Variants in FRG1 observed in about 807,000 individuals in gnomAD.
The protein encoded by FRG1 is FSHD region gene 1.
In FRG1, 19 loss-of-function variants were observed where a neutral mutation model predicts 37.0. That is an observed-to-expected ratio of 0.51 (90% CI 0.36 to 0.75). The LOEUF is 0.75. Ranked by LOEUF, FRG1 falls within the 30% of genes least tolerant of loss-of-function variation. FRG1 has a pLI of 0.00. For missense variants in FRG1, 243 were observed against 301.4 expected (o/e 0.81, Z 1.44); for synonymous variants, 73 against 96.5 (o/e 0.76, Z 1.43).
intron 2 of FRG1, among the ~76,000 whole-genome samples, chr4:189,946,988 A>C (rs1268307682): frequency 2.0e-5 from 3 of 152,048 alleles, no homozygotes; most frequent in Admixed American, 6.6e-5. Context: ...GAGTAACTGG[A>C]ATTACAGGCA....
intron 2 of FRG1, 104 bp downstream of exon 2, chr4:189,943,376 C>G: frequency 7.9e-7 from 1 of 1,260,614 alleles, no homozygotes; most frequent in Non-Finnish European, 1.1e-6. Context: ...TCATATTTGT[C>G]TTAAAGTGCT....
At chr4:189,943,114 G>T (rs908394443) in intron 1 of FRG1, 88 bp from the exon 2 acceptor site, 2 of 1,378,854 alleles carry the variant, frequency 1.5e-6, no homozygotes, top group African/African-American at 2.9e-5. Context: ...AAATGAAACA[G>T]CTTAAAAGAC....
In FRG1 at chr4:189,940,896, C is replaced by T; in HGVS notation, c.-114C>T. On this transcript the variant is annotated 5_prime_UTR_variant, in exon 1 of 9. Transcript: ENST00000226798. ...CGGGTTCTACAGAGACGTAGGCTGT[C>T]AGGGAGTGTTTATTTCGCGTCCGCT... is the stretch of plus-strand genomic sequence containing the variant. 1.4e-6 allele frequency: 1 copy of T among 738,832 alleles called. No homozygotes were observed. Among genetic ancestry groups the T allele is most frequent in the Non-Finnish European group, 2.3e-6 (1 of 428,772 alleles). The allele number at this position is 738,832 out of a possible 1,614,324, so 45.8% of individuals were successfully genotyped here. A position where few individuals can be genotyped will look rare whatever the true frequency, so the allele number is the denominator to read the frequency against.
At chr4:189,944,400 G>A (rs1322326777) in intron 2 of FRG1, among the ~76,000 whole-genome samples, 1 of 151,798 alleles carries the variant, frequency 6.6e-6, no homozygotes, top group African/African-American at 2.4e-5. Context: ...ATGGTCAGAA[G>A]CTTTTAATTT....
chr4:189,954,942 T>A, intron 4 of FRG1, 95 bp from the exon 5 acceptor site: 1 of 691,302 alleles, frequency 1.4e-6, no homozygotes, highest in South Asian at 1.9e-5. Context: ...ATTTTAGATA[T>A]GTACACAGCC....
intron 6 of FRG1, 97 bp from the exon 7 acceptor site, chr4:189,960,651 C>G (rs1484065796): frequency 8.4e-7 from 1 of 1,186,832 alleles, no homozygotes; most frequent in Non-Finnish European, 1.2e-6. Flanking sequence ...TTTTCTTCTG[C>G]ATAAGAAATC....
intron 6 of FRG1, among the ~76,000 whole-genome samples, chr4:189,959,002 G>GT (rs961062304): frequency 2.6e-5 from 4 of 152,240 alleles, no homozygotes; most frequent in African/African-American, 9.6e-5. Flanking sequence ...GGGGGCCAGA[G>GT]TGGAAGGCTC....
At chr4:189,943,344 T>C (rs1736400053) in intron 2 of FRG1, 72 bp downstream of exon 2, 1 of 1,520,086 alleles carries the variant, frequency 6.6e-7, no homozygotes, top group Admixed American at 2.1e-5. Context: ...AGTGTTTTCC[T>C]AGTTAGAAAT....
chr4:189,941,847 C>T (rs1414932264), intron 1 of FRG1: 1 of 442,010 alleles, frequency 2.3e-6, no homozygotes, highest in Non-Finnish European at 4.5e-6. Flanking sequence ...GCCCGAGGTA[C>T]ATACAAATGT....
Position 189,940,961 on chromosome 4 carries a change from C to T in FRG1, c.-49C>T, listed in dbSNP as rs993206746. 3.3e-6 allele frequency: 5 copies of T among 1,508,334 alleles called. No individual in the cohort carries two copies. In the Admixed American group the frequency reaches 5.1e-5, roughly 15 times the overall value. 93.4% of individuals were successfully genotyped at this position (1,508,334 alleles called of 1,614,324 possible). ...CCCCTGTGCTGCCCCGACTCACATA[C>T]TCGTCCAGAACCGGCCTCAGCCTCT... On this transcript the variant is annotated 5_prime_UTR_variant, in exon 1 of 9. Coordinates refer to ENST00000226798, the MANE Select transcript of FRG1 (RefSeq NM_004477.3).
At chr4:189,949,296 T>G (rs547889768) in intron 2 of FRG1, among the ~76,000 whole-genome samples, 99 of 152,304 alleles carry the variant, frequency 6.5e-4, no homozygotes, top group African/African-American at 2.4e-3. Flanking sequence ...GTTACTTTAG[T>G]CGATAAACAT....
At chr4:189,958,649 C>G (rs1428011503) in intron 6 of FRG1, among the ~76,000 whole-genome samples, 1 of 152,248 alleles carries the variant, frequency 6.6e-6, no homozygotes, top group African/African-American at 2.4e-5. Context: ...TCTAATCCTA[C>G]TCTTTGTTTT....
intron 8 of FRG1, among the ~76,000 whole-genome samples, chr4:189,962,508 G>C (rs1737279443): frequency 6.6e-6 from 1 of 152,110 alleles, no homozygotes; most frequent in South Asian, 2.1e-4. Flanking sequence ...GCCAGATTTT[G>C]ATAATCACCA....
chr4:189,960,909 A>C, intron 7 of FRG1, 70 bp downstream of exon 7: 1 of 1,549,962 alleles, frequency 6.5e-7, no homozygotes, highest in Non-Finnish European at 8.7e-7. Context: ...TTTCAAAATA[A>C]ATTACCTACT....
intron 2 of FRG1, among the ~76,000 whole-genome samples, chr4:189,943,882 A>G (rs551040114): frequency 6.6e-6 from 1 of 152,356 alleles, no homozygotes; most frequent in African/African-American, 2.4e-5. Flanking sequence ...ATGGAATGGT[A>G]TAAAGCTAAT....
chr4:189,944,333 C>T (rs1352803002), intron 2 of FRG1, among the ~76,000 whole-genome samples: 4 of 152,154 alleles, frequency 2.6e-5, no homozygotes, highest in Admixed American at 2.6e-4. Context: ...CCTGCCACCA[C>T]ACCCGGCTAA....
At chr4:189,961,957 A>T (rs771176367) in intron 8 of FRG1, 25 bp downstream of exon 8, 1 of 1,243,086 alleles carries the variant, frequency 8.0e-7, no homozygotes, top group Non-Finnish European at 1.1e-6. Flanking sequence ...ACTTATTTCC[A>T]CTATTTTCAG....
intron 7 of FRG1, chr4:189,961,146 C>G (rs1737212073): frequency 4.9e-6 from 1 of 205,010 alleles, no homozygotes; most frequent in African/African-American, 2.3e-5. Context: ...CTTTTCTTTT[C>G]TTGAGGCTTC....
intron 2 of FRG1, among the ~76,000 whole-genome samples, chr4:189,945,972 A>C (rs1288952569): frequency 6.6e-6 from 1 of 152,136 alleles, no homozygotes; most frequent in African/African-American, 2.4e-5. Context: ...CTGTTGTGTC[A>C]GTTTTGGCAA....
Sources: allele counts gnomAD v4.1 joint callset (sites outside exome capture counted in the v4.1 genomes callset), GRCh38; gene constraint gnomAD v4.1.1; transcripts MANE v1.5; gene names NCBI Gene and HGNC (gene_info 2026-07-23, HGNC 2026-07-21).